Variants in EIF2D observed in about 807,000 individuals in gnomAD.
The protein encoded by EIF2D is hepatocellular carcinoma-associated antigen 56.
In EIF2D, 56 loss-of-function variants were observed where a neutral mutation model predicts 77.4. The ratio of observed to expected loss-of-function variants is 0.72; its 90% CI spans 0.58 to 0.90. The LOEUF is 0.90. EIF2D is among the 40% of genes least tolerant of loss of function. The pLI is 0.00. For synonymous variants in EIF2D, 230 were observed against 271.0 expected (o/e 0.85, Z 1.49); for missense variants, 574 against 706.5 (o/e 0.81, Z 2.13).
chr1:206,585,436 G>A, intron 2 of EIF2D: 1 of 669,374 alleles, frequency 1.5e-6, no homozygotes, highest in Non-Finnish European at 2.7e-6. Flanking sequence ...GAGCAGGGGT[G>A]GGTGATGGGC....
At chr1:206,589,747 TC>T (rs1669282307), downstream of EIF2D, among the ~76,000 whole-genome samples, 1 of 152,216 alleles carries the variant, frequency 6.6e-6, no homozygotes, top group Non-Finnish European at 1.5e-5. Flanking sequence ...TCACTTGAGT[TC>T]TCTGACTTTC....
chr1:206,591,086 T>C (rs782671742), downstream of EIF2D, among the ~76,000 whole-genome samples: 5 of 152,310 alleles, frequency 3.3e-5, no homozygotes, highest in Non-Finnish European at 7.4e-5. Context: ...ACCCCTTCCA[T>C]GACCTCCACG....
downstream of EIF2D, among the ~76,000 whole-genome samples, chr1:206,569,416 A>G (rs1553403874): frequency 6.6e-6 from 1 of 152,222 alleles, no homozygotes; most frequent in Non-Finnish European, 1.5e-5. Flanking sequence ...AGCAACCCTC[A>G]GAGAGAAGAC....
Position 206,609,416 on chromosome 1 carries a change from T to G in EIF2D, c.291A>C (p.Thr97=), listed in dbSNP as rs782740473. Residue 97 remains threonine, a synonymous_variant, in exon 3 of 15, where the codon ACA becomes ACC. Coordinates refer to ENST00000271764, the MANE Select transcript of EIF2D (RefSeq NM_006893.3). ...WSYPDLLPTF[T]TWPLVLEKLV... is the part of the protein sequence containing the mutation. ...GTTTCTCGAGCACCAGAGGCCATGT[T>G]GTAAAGGTTGGCAGAAGATCAGGAT... 1 of 1,614,056 alleles carries G rather than the reference T, an allele frequency of 6.2e-7. No individual in the cohort carries two copies. The highest frequency in any genetic ancestry group is 8.5e-7 in the Non-Finnish European group (1 of 1,180,036).
chr1:206,583,370 C>T, intron 2 of EIF2D: 3 of 1,609,596 alleles, frequency 1.9e-6, no homozygotes, highest in Non-Finnish European at 2.6e-6. Context: ...ACTGCCTGGG[C>T]ATGAAACTGG....
chr1:206,595,599 T>TA (rs1447515886), intron 13 of EIF2D, 119 bp downstream of exon 13: 8 of 1,314,746 alleles, frequency 6.1e-6, no homozygotes, highest in Admixed American at 2.3e-5. Flanking sequence ...GGGTGTTTCA[T>TA]AAAAAAATCT....
At chr1:206,601,112 CAT>C (rs1669900767) in intron 7 of EIF2D, 1 of 152,148 alleles carries the variant, frequency 6.6e-6, no homozygotes, top group African/African-American at 2.4e-5. Context: ...GCCCCTTTAC[CAT>C]ATATTTGCAA....
chr1:206,602,435 A>G lies in EIF2D; in HGVS notation c.803T>C (p.Leu268Ser). The G allele has an allele frequency of 6.2e-7, 1 of 1,614,198 alleles. No individual in the cohort carries two copies. The highest frequency in any genetic ancestry group is 8.5e-7 in the Non-Finnish European group (1 of 1,179,992). The change falls in exon 7 of 15, where the codon TTA (leucine) becomes TCA (serine). Residue 268 changes from leucine to serine, a missense_variant. Transcript: ENST00000271764. Reference sequence around the variant, plus strand: ...CAAGGCATGTAAGAAGCATTGCTGTAACAGCTCATCCATTTGTTCTGCAGG... The same window carrying G: ...CAAGGCATGTAAGAAGCATTGCTGTGACAGCTCATCCATTTGTTCTGCAGG... ...KTLQEQMDEL[L>S]QQCFLHALKC... is the part of the protein sequence containing the mutation.
chr1:206,600,258 C>T lies in EIF2D; in HGVS notation c.948+5G>A, dbSNP rs372343805. 17 of 1,613,862 alleles carry T rather than the reference C, an allele frequency of 1.1e-5. No homozygotes were observed. Among genetic ancestry groups the T allele is most frequent in the Non-Finnish European group, 2.5e-6 (3 of 1,179,882 alleles). ...CATGGGTCTGCAAAGAAGATCCTTG[C>T]TTACCTTTTTGTAGCTTGACTTCTT... On this transcript the variant is annotated splice_donor_5th_base_variant and intron_variant, in intron 8 of 14. Coordinates refer to ENST00000271764, the MANE Select transcript of EIF2D (RefSeq NM_006893.3).
At chr1:206,577,174 A>G (rs1668687667) in intron 4 of EIF2D, among the ~76,000 whole-genome samples, 1 of 152,142 alleles carries the variant, frequency 6.6e-6, no homozygotes, top group Admixed American at 6.5e-5. Context: ...CCACAATAGT[A>G]GAGTTGAATA....
chr1:206,583,367 G>T (rs782494943), intron 2 of EIF2D: 4 of 1,611,594 alleles, frequency 2.5e-6, no homozygotes, highest in Non-Finnish European at 3.4e-6. Flanking sequence ...AGAACTGCCT[G>T]GGCATGAAAC....
chr1:206,602,333 T>C lies in EIF2D; in HGVS notation c.902+3A>G, dbSNP rs1348103857. Reference sequence around the variant, plus strand: ...CTCCAGCCCACATCAGTGCTTTCCATACCAGCAGGAGAACATGTGGCTGCC... The same window carrying C: ...CTCCAGCCCACATCAGTGCTTTCCACACCAGCAGGAGAACATGTGGCTGCC... On this transcript the variant is annotated splice_donor_region_variant and intron_variant, in intron 7 of 14. Transcript: ENST00000271764. 3.7e-6 allele frequency: 6 copies of C among 1,613,632 alleles called. No individual in the cohort carries two copies. Among genetic ancestry groups the C allele is most frequent in the African/African-American group, 1.3e-5 (1 of 74,916 alleles).
At chr1:206,596,803 C>T (rs571907774) in intron 12 of EIF2D, among the ~76,000 whole-genome samples, 98 of 152,156 alleles carry the variant, frequency 6.4e-4, no homozygotes, top group African/African-American at 2.3e-3. Context: ...CTACCGCCTC[C>T]GCCTCCCAAA....
chr1:206,577,780 G>C (rs1279229316), intron 4 of EIF2D, among the ~76,000 whole-genome samples: 1 of 152,198 alleles, frequency 6.6e-6, no homozygotes, highest in Admixed American at 6.5e-5. Flanking sequence ...GGCAATAGGG[G>C]ATCATTGAAG....
chr1:206,610,714 G>A (rs1476105932), intron 2 of EIF2D, among the ~76,000 whole-genome samples: 4 of 151,778 alleles, frequency 2.6e-5, no homozygotes, highest in South Asian at 2.1e-4. Flanking sequence ...CCTGCTACTC[G>A]GGAGGCTGAG....
intron 5 of EIF2D, among the ~76,000 whole-genome samples, chr1:206,572,238 A>T (rs1668476464): frequency 6.6e-6 from 1 of 151,996 alleles, no homozygotes. Context: ...TGTTTAATGA[A>T]CCCCTATTGT....
chr1:206,605,182 G>C (rs1399136903), intron 5 of EIF2D: 8 of 425,936 alleles, frequency 1.9e-5, no homozygotes, highest in Admixed American at 3.9e-5. Flanking sequence ...TTGGGTCTAA[G>C]ATTCTATAAT....
intron 4 of EIF2D, 50 bp from the exon 5 acceptor site, chr1:206,605,557 G>T: frequency 1.3e-6 from 2 of 1,485,678 alleles, no homozygotes; most frequent in South Asian, 1.1e-5. Flanking sequence ...CTATGGGAAG[G>T]GCACATGTTA....
chr1:206,583,497 C>A, intron 2 of EIF2D: 1 of 731,358 alleles, frequency 1.4e-6, no homozygotes, highest in Non-Finnish European at 2.4e-6. Flanking sequence ...CCCTTTCCTC[C>A]GGCCTCCAGA....
Sources: gnomAD v4.1 joint callset for allele counts (sites outside exome capture counted in the v4.1 genomes callset) on GRCh38, gnomAD v4.1.1 for gene constraint, MANE v1.5 for transcripts, NCBI Gene and HGNC (gene_info 2026-07-23, HGNC 2026-07-21) for gene names.